SRPX: variants seen among roughly 807,000 people sequenced by gnomAD.
SRPX encodes the protein sushi repeat containing protein X-linked.
SRPX carries 24 observed loss-of-function variants against 38.1 expected under a neutral mutation model. That is an observed-to-expected ratio of 0.63 (90% CI 0.46 to 0.89). The LOEUF is 0.89. Ranked by LOEUF, SRPX falls within the 40% of genes least tolerant of loss-of-function variation. The probability of loss-of-function intolerance (pLI) is 0.00; values close to 1 mark genes in which losing one functional copy is unlikely to be tolerated. For missense variants in SRPX, 416 were observed against 377.8 expected (o/e 1.10, Z -0.84); for synonymous variants, 184 against 153.8 (o/e 1.20, Z -1.45).
At chrX:38,197,549 T>C (rs1885446) in intron 1 of SRPX, among the ~76,000 whole-genome samples, 34,978 of 110,897 alleles carry the variant, frequency 0.32, 4,565 homozygotes, top group Middle Eastern at 0.41. Context: ...TACATATCTA[T>C]CACCTCAAAT....
chrX:38,206,304 A>G, intron 1 of SRPX, among the ~76,000 whole-genome samples: 1 of 112,383 alleles, frequency 8.9e-6, no homozygotes, highest in Middle Eastern at 4.6e-3. Context: ...CTAGACCCAG[A>G]TGAGTCACCC....
intron 1 of SRPX, among the ~76,000 whole-genome samples, chrX:38,193,135 A>C (rs1397355287): frequency 9.0e-6 from 1 of 111,508 alleles, no homozygotes; most frequent in East Asian, 2.8e-4. Flanking sequence ...CCTACTATTT[A>C]GTTAACAGAC....
At chrX:38,167,522 C>G (rs1569206008) in intron 4 of SRPX, among the ~76,000 whole-genome samples, 1 of 111,571 alleles carries the variant, frequency 9.0e-6, no homozygotes, top group Non-Finnish European at 1.9e-5. Flanking sequence ...TATACATTTC[C>G]ATGAATGAAA....
At chrX:38,206,627 T>C (rs942531692) in intron 1 of SRPX, among the ~76,000 whole-genome samples, 1 of 111,659 alleles carries the variant, frequency 9.0e-6, no homozygotes, top group Admixed American at 9.5e-5. Context: ...AAGCACACTC[T>C]AAGACAAAGT....
chrX:38,160,324 G>C, intron 6 of SRPX, 128 bp from the exon 7 acceptor site: 1 of 637,416 alleles, frequency 1.6e-6, no homozygotes, highest in East Asian at 3.5e-5. Flanking sequence ...AAATGAGTGA[G>C]GGAGGAGGGA....
rs918590260 is a variant in SRPX at position 38,163,525 on chromosome X, A to T, written c.653+1244T>A. Among the ~76,000 whole-genome samples the T allele has an allele frequency of 1.3e-4, 15 of 112,021 alleles. No homozygotes were observed. The South Asian group carries it at 1.5e-3, about 11-fold the overall frequency. ...TGGTCTCCAGGGAATATGAAGGCCA[A>T]CCAAACAGTTGCAGGGGTACAGGCC... On this transcript the variant is annotated intron_variant, in intron 5 of 9. Transcript: ENST00000378533.
intron 1 of SRPX, among the ~76,000 whole-genome samples, chrX:38,179,329 T>A (rs893493048): frequency 8.9e-6 from 1 of 112,393 alleles, no homozygotes; most frequent in Non-Finnish European, 1.9e-5. Context: ...ATTTAACTCA[T>A]TTGCAAGCTG....
In SRPX at chrX:38,156,979, A is replaced by G. The variant is rs1370982944; in HGVS notation, c.1006T>C (p.Phe336Leu). Residue 336 changes from phenylalanine to leucine, a missense_variant, in exon 8 of 10, where the codon TTT (phenylalanine) becomes CTT (leucine). By Grantham distance (22) the Phe-to-Leu change is conservative (BLOSUM62 0). Coordinates refer to ENST00000378533, the MANE Select transcript of SRPX (RefSeq NM_006307.5). The part of the protein sequence containing the change: ...VRTAAALLDQ[F>L]YEKRRLLIVS... Reference sequence around the variant, plus strand: ...ATGAGGAGTCTCCTTTTCTCATAAAACTGATCCAGAAGTGCAGCTGCCGTT... The same window carrying G: ...ATGAGGAGTCTCCTTTTCTCATAAAGCTGATCCAGAAGTGCAGCTGCCGTT... The G allele has an allele frequency of 1.7e-6, 2 of 1,211,164 alleles. No homozygotes were observed. The highest frequency in any genetic ancestry group is 4.3e-5 in the Admixed American group (2 of 46,011).
intron 3 of SRPX, among the ~76,000 whole-genome samples, chrX:38,173,093 G>A (rs761348943): frequency 8.9e-6 from 1 of 112,510 alleles, no homozygotes; most frequent in East Asian, 2.8e-4. Flanking sequence ...TAGTCTCGAT[G>A]ACATGGCTGC....
At chrX:38,199,363 G>A (rs942614511) in intron 1 of SRPX, among the ~76,000 whole-genome samples, 3 of 110,939 alleles carry the variant, frequency 2.7e-5, no homozygotes, top group Non-Finnish European at 5.7e-5. Context: ...CCGAGATCGC[G>A]CCACTGCACT....
intron 3 of SRPX, among the ~76,000 whole-genome samples, chrX:38,173,543 G>A (rs748056319): frequency 4.7e-4 from 52 of 110,692 alleles, no homozygotes; most frequent in Non-Finnish European, 6.4e-4. Context: ...TCCGCCTCCC[G>A]GGTTCTAGCA....
chrX:38,164,813 C>T lies in SRPX; in HGVS notation c.609G>A (p.Trp203Ter). 1 of 1,208,924 alleles carries T rather than the reference C, an allele frequency of 8.3e-7. No homozygotes were observed. Among genetic ancestry groups the T allele is most frequent in the Non-Finnish European group, 1.1e-6 (1 of 893,219 alleles). Reference sequence around the variant, plus strand: ...CTGTGTCTCTTCCTTCGGGTGTCTCCCAGGACACCCGGACTGTCAGTTTGT... The same window carrying T: ...CTGTGTCTCTTCCTTCGGGTGTCTCTCAGGACACCCGGACTGTCAGTTTGT... ...EPNKLTVRVSWETPEGRDTAD... is the reference protein window; with the variant it reads ...EPNKLTVRVS Residue 203 changes from tryptophan to a stop codon, truncating the protein, a stop_gained, in exon 5 of 10, where the codon TGG becomes TGA. Transcript: ENST00000378533. LOFTEE classifies it high-confidence loss of function.
At chrX:38,181,317 A>T in intron 1 of SRPX, among the ~76,000 whole-genome samples, 1 of 112,605 alleles carries the variant, frequency 8.9e-6, no homozygotes. Context: ...GAGGGCTTTC[A>T]CATGGGTAAG....
intron 1 of SRPX, among the ~76,000 whole-genome samples, chrX:38,189,599 A>G (rs939153479): frequency 8.9e-5 from 10 of 111,741 alleles, no homozygotes; most frequent in Middle Eastern, 4.2e-3. Flanking sequence ...TTCTGTCTTC[A>G]TGACTCAGAA....
intron 4 of SRPX, among the ~76,000 whole-genome samples, chrX:38,168,157 CAA>C (rs750515656): frequency 2.8e-4 from 31 of 111,674 alleles, no homozygotes; most frequent in Non-Finnish European, 4.5e-4. Context: ...CTCAAAAGGA[CAA>C]AGTCTTGCCC....
chrX:38,196,659 A>G (rs1320468995), intron 1 of SRPX, among the ~76,000 whole-genome samples: 1 of 112,315 alleles, frequency 8.9e-6, no homozygotes, highest in Non-Finnish European at 1.9e-5. Context: ...TGAAACAAGG[A>G]CTTGGGTGCT....
intron 1 of SRPX, among the ~76,000 whole-genome samples, chrX:38,192,450 A>C (rs1938924306): frequency 1.8e-5 from 2 of 111,517 alleles, no homozygotes; most frequent in African/African-American, 6.5e-5. Flanking sequence ...ATTCAGGTTC[A>C]TTCTACTTCC....
intron 1 of SRPX, among the ~76,000 whole-genome samples, chrX:38,183,122 C>T (rs776674669): frequency 1.8e-5 from 2 of 108,597 alleles, no homozygotes; most frequent in African/African-American, 3.4e-5. Context: ...GGTATGATCC[C>T]GGCTTACTGC....
chrX:38,198,507 G>T (rs757121926), intron 1 of SRPX, among the ~76,000 whole-genome samples: 1 of 112,178 alleles, frequency 8.9e-6, no homozygotes, highest in East Asian at 2.8e-4. Context: ...GATGAATCCA[G>T]ATATGCCCTG....
Sources: gnomAD v4.1 joint callset for allele counts (sites outside exome capture counted in the v4.1 genomes callset) on GRCh38, gnomAD v4.1.1 for gene constraint, MANE v1.5 for transcripts, NCBI Gene and HGNC (gene_info 2026-07-23, HGNC 2026-07-21) for gene names.